Variants in NRG1 observed in about 807,000 individuals in gnomAD.
NRG1 encodes the protein pro-neuregulin-1, membrane-bound isoform.
NRG1 carries 18 observed loss-of-function variants against 63.8 expected under a neutral mutation model. The observed-to-expected ratio is 0.28, with a 90% CI of 0.19 to 0.42. The LOEUF (loss-of-function observed/expected upper bound fraction) is 0.42. NRG1 is among the 10% of genes least tolerant of loss of function. The probability of loss-of-function intolerance (pLI) is 1.00; values close to 1 mark genes in which losing one functional copy is unlikely to be tolerated. For synonymous variants in NRG1, 302 were observed against 301.3 expected, an observed-to-expected ratio of 1.00 and a Z score of -0.02; for missense variants, 762 against 814.7, an observed-to-expected ratio of 0.94 and a Z score of 0.79.
chr8:32,649,382 A>C (rs1465372452), intron 5 of NRG1, among the ~76,000 whole-genome samples: 2 of 152,090 alleles, frequency 1.3e-5, no homozygotes, highest in African/African-American at 4.8e-5. Flanking sequence ...GTAGCCTTTT[A>C]AAAATGTTTC....
At chr8:32,622,346 G>A (rs1225211983) in intron 5 of NRG1, among the ~76,000 whole-genome samples, 1 of 152,076 alleles carries the variant, frequency 6.6e-6, no homozygotes, top group Non-Finnish European at 1.5e-5. Flanking sequence ...CAAATTATGT[G>A]ACTTCCCTGA....
intron 1 of NRG1, among the ~76,000 whole-genome samples, chr8:32,207,857 A>G (rs1256604558): frequency 6.6e-6 from 1 of 152,186 alleles, no homozygotes; most frequent in African/African-American, 2.4e-5. Flanking sequence ...TGTTACTCAT[A>G]TTGCTCCTAA....
At chr8:31,812,201 G>A (rs774248836) in intron 1 of NRG1, among the ~76,000 whole-genome samples, 7 of 152,142 alleles carry the variant, frequency 4.6e-5, no homozygotes, top group Non-Finnish European at 5.9e-5. Context: ...GAATTTATTA[G>A]AAAAACAGGA....
chr8:32,017,057 CA>C (rs1358570784), intron 1 of NRG1, among the ~76,000 whole-genome samples: 3 of 152,322 alleles, frequency 2.0e-5, no homozygotes, highest in Admixed American at 6.5e-5. Flanking sequence ...AGCATCAAAA[CA>C]GAGAGGAAAA....
intron 1 of NRG1, among the ~76,000 whole-genome samples, chr8:32,394,806 C>CA (rs1253769905): frequency 1.3e-5 from 2 of 152,004 alleles, no homozygotes; most frequent in East Asian, 1.9e-4. Flanking sequence ...AATCCTTCAA[C>CA]AAAAAAACAG....
At chr8:32,393,605 C>T (rs760540241) in intron 1 of NRG1, among the ~76,000 whole-genome samples, 2 of 152,150 alleles carry the variant, frequency 1.3e-5, no homozygotes, top group African/African-American at 2.4e-5. Context: ...AGCTGGAGGC[C>T]ATTATCCTTA....
intron 6 of NRG1, among the ~76,000 whole-genome samples, chr8:32,732,799 C>CTTTTTTTTTTTTT (rs1173388613): frequency 1.6e-4 from 13 of 83,362 alleles, no homozygotes; most frequent in East Asian, 8.6e-4. Context: ...TGTTTAATTT[C>CTTTTTTTTTTTTT]TTTTTTTTTT....
Position 32,596,036 on chromosome 8 carries a change from G to T in NRG1, c.278+31G>T, listed in dbSNP as rs751555304. ...TATAATGCATAAAATAGTAGAGACT[G>T]CCCCCAGCAATAAGATAACATATAA... On this transcript the variant is annotated intron_variant, in intron 2 of 11. Transcript: ENST00000356819. 39 of 1,532,848 alleles carry T rather than the reference G, an allele frequency of 2.5e-5. No homozygotes were observed. The Middle Eastern group carries it at 8.8e-4, about 34-fold the overall frequency. 95.0% of individuals were successfully genotyped at this position (1,532,848 alleles called of 1,614,324 possible). A position where few individuals can be genotyped will look rare whatever the true frequency, so the allele number is the denominator to read the frequency against.
intron 1 of NRG1, among the ~76,000 whole-genome samples, chr8:32,582,978 G>A (rs1272034399): frequency 2.6e-5 from 4 of 152,034 alleles, no homozygotes; most frequent in South Asian, 2.1e-4. Flanking sequence ...AATGTTTAGT[G>A]TATTCCTTTA....
chr8:31,934,972 G>A (rs1196058398), intron 1 of NRG1, among the ~76,000 whole-genome samples: 1 of 151,994 alleles, frequency 6.6e-6, no homozygotes, highest in African/African-American at 2.4e-5. Flanking sequence ...ATAGAGTCAG[G>A]GTATTGCTCT....
chr8:32,670,026 T>C (rs1008966904), intron 5 of NRG1, among the ~76,000 whole-genome samples: 1 of 152,250 alleles, frequency 6.6e-6, no homozygotes, highest in Admixed American at 6.5e-5. Flanking sequence ...TTTAACATCA[T>C]GTGCATTTTT....
At chr8:31,822,779 A>G (rs1423304663) in intron 1 of NRG1, among the ~76,000 whole-genome samples, 1 of 152,134 alleles carries the variant, frequency 6.6e-6, no homozygotes, top group Non-Finnish European at 1.5e-5. Flanking sequence ...ATGAAGGTGT[A>G]TTGTTTTGCA....
At chr8:31,838,313 C>G (rs1320576814) in intron 1 of NRG1, among the ~76,000 whole-genome samples, 2 of 152,070 alleles carry the variant, frequency 1.3e-5, no homozygotes, top group Non-Finnish European at 2.9e-5. Context: ...TCTGCCTATT[C>G]TTGCCTGTAC....
Position 32,486,344 on chromosome 8 carries a change from G to A in NRG1, c.38-109484G>A, listed in dbSNP as rs59021512. ...ATTCCAGGCACCTCCTGTACTATAA[G>A]TGTCCCTCATAGCACAAAGGGGAAA... On this transcript the variant is annotated intron_variant, in intron 1 of 10. Transcript: ENST00000519301. 7.2e-3 allele frequency among the ~76,000 whole-genome samples: 1,102 copies of A among 152,226 alleles called. 16 individuals carry two copies. Among genetic ancestry groups the A allele is most frequent in the African/African-American group, 0.026 (1,065 of 41,538 alleles).
At chr8:31,694,586 C>T (rs949576033) in intron 1 of NRG1, among the ~76,000 whole-genome samples, 2 of 152,006 alleles carry the variant, frequency 1.3e-5, no homozygotes, top group Non-Finnish European at 1.5e-5. Context: ...GTAACATGTA[C>T]TTGTGATCTA....
Position 32,110,717 on chromosome 8 carries a change from G to A in NRG1, c.37+471286G>A, listed in dbSNP as rs187547486. 3.9e-5 allele frequency among the ~76,000 whole-genome samples: 6 copies of A among 152,202 alleles called. No individual in the cohort carries two copies. In the East Asian group the frequency reaches 1.2e-3, roughly 30 times the overall value. On this transcript the variant is annotated intron_variant, in intron 1 of 10. Coordinates refer to the NRG1 transcript ENST00000519301. ...AGATCCTTTTGAACTGCCCCATCTG[G>A]GAACTGAACCAAAGACTGGATCGCC...
intron 1 of NRG1, among the ~76,000 whole-genome samples, chr8:32,021,336 G>C (rs1480454133): frequency 1.3e-5 from 2 of 152,176 alleles, no homozygotes; most frequent in African/African-American, 4.8e-5. Context: ...GAAGGTCAAA[G>C]AGGATGCAGA....
chr8:32,253,572 G>A (rs1400312572), intron 1 of NRG1, among the ~76,000 whole-genome samples: 2 of 152,166 alleles, frequency 1.3e-5, no homozygotes, highest in African/African-American at 2.4e-5. Flanking sequence ...GCTTTTTGAT[G>A]TGCTGCTGGA....
Position 31,973,548 on chromosome 8 carries a change from T to G in NRG1, c.37+334117T>G, listed in dbSNP as rs182834012. On this transcript the variant is annotated intron_variant, in intron 1 of 10. Transcript: ENST00000519301. ...GTAAATATTCGTGATTTATTCAAAG[T>G]CATGCAGCCAGTTGATGCCATGTCT... 2.1e-3 allele frequency among the ~76,000 whole-genome samples: 323 copies of G among 152,296 alleles called. 1 individual carries two copies. The highest frequency in any genetic ancestry group is 7.4e-3 in the African/African-American group (308 of 41,572).
Sources: allele counts gnomAD v4.1 joint callset (sites outside exome capture counted in the v4.1 genomes callset), GRCh38; gene constraint gnomAD v4.1.1; transcripts MANE v1.5; gene names NCBI Gene and HGNC (gene_info 2026-07-23, HGNC 2026-07-21).